SRRM4: variants seen among roughly 807,000 people sequenced by gnomAD.
SRRM4 encodes the protein serine/arginine repetitive matrix protein 4.
SRRM4 carries 33 observed loss-of-function variants against 68.9 expected under a neutral mutation model. That is an observed-to-expected ratio of 0.48 (90% CI 0.36 to 0.64). The LOEUF (loss-of-function observed/expected upper bound fraction) is 0.64. SRRM4 is among the 30% of genes least tolerant of loss of function. SRRM4 has a pLI of 0.00. For synonymous variants in SRRM4, 318 were observed against 318.8 expected, an observed-to-expected ratio of 1.00 and a Z score of 0.03; for missense variants, 817 against 827.1, an observed-to-expected ratio of 0.99 and a Z score of 0.15.
chr12:119,071,992 C>T (rs993409366), intron 1 of SRRM4, among the ~76,000 whole-genome samples: 3 of 152,230 alleles, frequency 2.0e-5, no homozygotes, highest in African/African-American at 7.2e-5. Context: ...CAGAGTAAAG[C>T]TCTGCAGCAT....
chr12:119,150,266 G>A lies in SRRM4; in HGVS notation c.1077-751G>A, dbSNP rs576816180. Among the ~76,000 whole-genome samples, 6 of 152,304 alleles carry A rather than the reference G, an allele frequency of 3.9e-5. No individual in the cohort carries two copies. In the South Asian group the frequency reaches 1.2e-3, roughly 32 times the overall value. Reference sequence around the variant, plus strand: ...GCGGGTGGATCATTTGAGGTCAGGAGTTTGAGACCAGTCTGGCCAACATAG... The same window carrying A: ...GCGGGTGGATCATTTGAGGTCAGGAATTTGAGACCAGTCTGGCCAACATAG... On this transcript the variant is annotated intron_variant, in intron 9 of 12. Coordinates refer to ENST00000267260, the MANE Select transcript of SRRM4 (RefSeq NM_194286.4).
At chr12:119,002,953 C>T (rs542503538) in intron 1 of SRRM4, among the ~76,000 whole-genome samples, 1 of 150,394 alleles carries the variant, frequency 6.6e-6, no homozygotes, top group Non-Finnish European at 1.5e-5. Flanking sequence ...GCTTCAACCT[C>T]GCAACCACCC....
chr12:119,114,382 G>T lies in SRRM4; in HGVS notation c.365+18G>T. ...AGAAGGAGGTAAGAGCACCAAGAGG[G>T]AGATAAAACCTGTAAGATGCAGGCA... is the stretch of plus-strand genomic sequence containing the variant. On this transcript the variant is annotated intron_variant, in intron 3 of 12. Coordinates refer to ENST00000267260, the MANE Select transcript of SRRM4 (RefSeq NM_194286.4). 1 of 1,591,132 alleles carries T rather than the reference G, an allele frequency of 6.3e-7. No individual in the cohort carries two copies. The highest frequency in any genetic ancestry group is 1.1e-5 in the South Asian group (1 of 87,696).
intron 8 of SRRM4, 23 bp from the exon 9 acceptor site, chr12:119,145,357 TC>T: frequency 6.3e-7 from 1 of 1,588,402 alleles, no homozygotes; most frequent in Non-Finnish European, 8.6e-7. Flanking sequence ...CTCAGCAGTG[TC>T]CAACGGGTCT....
chr12:119,047,881 A>C (rs1049575972), intron 1 of SRRM4, among the ~76,000 whole-genome samples: 1 of 152,230 alleles, frequency 6.6e-6, no homozygotes, highest in African/African-American at 2.4e-5. Flanking sequence ...GAAGAACTGC[A>C]AAGTCATATG....
intron 9 of SRRM4, among the ~76,000 whole-genome samples, chr12:119,147,318 A>T (rs929949029): frequency 6.6e-6 from 1 of 152,234 alleles, no homozygotes; most frequent in Non-Finnish European, 1.5e-5. Context: ...GGACAGAGGG[A>T]TGAATAGGCA....
At chr12:119,108,756 G>A (rs532507754) in intron 2 of SRRM4, among the ~76,000 whole-genome samples, 1 of 152,050 alleles carries the variant, frequency 6.6e-6, no homozygotes, top group South Asian at 2.1e-4. Context: ...CACATTGATG[G>A]GTCTTGACTC....
At chr12:119,046,004 C>G (rs1355748871) in intron 1 of SRRM4, among the ~76,000 whole-genome samples, 1 of 151,784 alleles carries the variant, frequency 6.6e-6, no homozygotes, top group African/African-American at 2.4e-5. Context: ...CTCCACTGCG[C>G]TCCAGCCTGG....
rs543410521 is a variant in SRRM4, at chr12:119,150,531, T to C, written c.1077-486T>C. Reference sequence around the variant, plus strand: ...CATATGATTAAAACAATGGATTTAATCCTACTAGTTGCAGTTGCCTAACCA... The same window carrying C: ...CATATGATTAAAACAATGGATTTAACCCTACTAGTTGCAGTTGCCTAACCA... On this transcript the variant is annotated intron_variant, in intron 9 of 12. Coordinates refer to ENST00000267260, the MANE Select transcript of SRRM4 (RefSeq NM_194286.4). 1.2e-4 allele frequency among the ~76,000 whole-genome samples: 18 copies of C among 152,324 alleles called. 1 individual carries two copies. Among genetic ancestry groups the C allele is most frequent in the African/African-American group, 4.1e-4 (17 of 41,576 alleles).
intron 1 of SRRM4, among the ~76,000 whole-genome samples, chr12:119,070,953 C>T (rs1405049): frequency 0.54 from 82,781 of 151,974 alleles, 23,557 homozygotes; most frequent in Middle Eastern, 0.66. Context: ...TTAAACACAG[C>T]GGGGAGGTAC....
At position 118,983,544 on chromosome 12, in the gene SRRM4, A is replaced by G. The variant is rs189722666; in HGVS notation, c.131+1531A>G. 7.1e-4 allele frequency among the ~76,000 whole-genome samples: 108 copies of G among 152,298 alleles called. 1 individual carries two copies. The highest frequency in any genetic ancestry group is 2.5e-3 in the African/African-American group (105 of 41,574). ...GCTATCTATTCCACCTTTGGAACGT[A>G]CCTACTGTTGGCTAATCAGGTGCTG... is the stretch of plus-strand genomic sequence containing the variant. On this transcript the variant is annotated intron_variant, in intron 1 of 12. Coordinates refer to ENST00000267260, the MANE Select transcript of SRRM4 (RefSeq NM_194286.4).
intron 1 of SRRM4, among the ~76,000 whole-genome samples, chr12:119,033,125 T>A (rs1475869141): frequency 1.3e-5 from 2 of 152,318 alleles, no homozygotes; most frequent in Non-Finnish European, 2.9e-5. Context: ...ATGTCTTCAC[T>A]TATTTTTATT....
intron 1 of SRRM4, among the ~76,000 whole-genome samples, chr12:119,066,275 A>G (rs867856528): frequency 2.6e-5 from 4 of 151,516 alleles, no homozygotes; most frequent in African/African-American, 9.7e-5. Context: ...TCTACTGTAA[A>G]TACACAACAA....
At chr12:119,033,838 C>A (rs1260781804) in intron 1 of SRRM4, among the ~76,000 whole-genome samples, 1 of 152,126 alleles carries the variant, frequency 6.6e-6, no homozygotes, top group Non-Finnish European at 1.5e-5. Flanking sequence ...TATTAATAAA[C>A]TTGATATGTA....
At chr12:119,108,942 T>C (rs1451051851) in intron 2 of SRRM4, among the ~76,000 whole-genome samples, 1 of 152,238 alleles carries the variant, frequency 6.6e-6, no homozygotes, top group African/African-American at 2.4e-5. Context: ...TTTGGCATGT[T>C]TTTGCAGTGG....
At chr12:119,083,750 T>C (rs1406388327) in intron 1 of SRRM4, among the ~76,000 whole-genome samples, 2 of 152,202 alleles carry the variant, frequency 1.3e-5, no homozygotes, top group Non-Finnish European at 2.9e-5. Context: ...ACTATTGTCC[T>C]CAGAGCTGAG....
intron 1 of SRRM4, among the ~76,000 whole-genome samples, chr12:119,057,240 C>T (rs144311691): frequency 1.3e-5 from 2 of 152,252 alleles, no homozygotes; most frequent in African/African-American, 4.8e-5. Flanking sequence ...AGGTTTGTTA[C>T]ATAGGTAAAT....
intron 1 of SRRM4, among the ~76,000 whole-genome samples, chr12:119,088,914 T>C (rs187900515): frequency 1.3e-5 from 2 of 152,286 alleles, no homozygotes; most frequent in East Asian, 3.9e-4. Context: ...CAAGGAATGG[T>C]GTTAAGCACT....
In SRRM4 at chr12:119,151,077, C is replaced by T. The variant is rs755329180; in HGVS notation, c.1137C>T (p.Ser379=). The T allele has an allele frequency of 2.8e-5, 45 of 1,613,852 alleles. No homozygotes were observed. Among genetic ancestry groups the T allele is most frequent in the Non-Finnish European group, 3.7e-5 (44 of 1,179,902 alleles). Residue 379 remains serine (S), a synonymous_variant, in exon 10 of 13, where the codon TCC becomes TCT. Coordinates refer to ENST00000267260, the MANE Select transcript of SRRM4 (RefSeq NM_194286.4). ...TGAAGAAGTCCAGTTTGGTCCCATC[C>T]ACAGCCCGGAGCTCACCCATGAAAG... ...AEVKKSSLVP[S]TARSSPMKGC...
Sources: allele counts gnomAD v4.1 joint callset (sites outside exome capture counted in the v4.1 genomes callset), GRCh38; gene constraint gnomAD v4.1.1; transcripts MANE v1.5; gene names NCBI Gene and HGNC (gene_info 2026-07-23, HGNC 2026-07-21).